Variants in SYN2 observed in about 807,000 individuals in gnomAD.
The protein encoded by SYN2 is synapsin-2.
In SYN2, 19 loss-of-function variants were observed where a neutral mutation model predicts 50.9. The observed-to-expected ratio is 0.37, with a 90% CI of 0.26 to 0.55. SYN2 has a LOEUF of 0.55. Ranked by LOEUF, SYN2 falls within the 20% of genes least tolerant of loss-of-function variation. SYN2 has a pLI of 0.81. For synonymous variants in SYN2, 255 were observed against 224.9 expected (o/e 1.13, Z -1.20); for missense variants, 587 against 576.4 (o/e 1.02, Z -0.19).
intron 1 of SYN2, among the ~76,000 whole-genome samples, chr3:12,098,987 G>C (rs1263441100): frequency 6.6e-6 from 1 of 151,452 alleles, no homozygotes. Flanking sequence ...ATGATATATT[G>C]ATAAAAGATC....
intron 1 of SYN2, among the ~76,000 whole-genome samples, chr3:12,055,975 T>A (rs1694980078): frequency 6.6e-6 from 1 of 152,152 alleles, no homozygotes; most frequent in African/African-American, 2.4e-5. Flanking sequence ...AGCTGCCAAT[T>A]TGTGGGAAAC....
chr3:12,027,505 G>A (rs1471385179), intron 1 of SYN2, among the ~76,000 whole-genome samples: 4 of 152,180 alleles, frequency 2.6e-5, no homozygotes, highest in East Asian at 3.8e-4. Flanking sequence ...TCAGATTGGA[G>A]CACAGTACCT....
intron 10 of SYN2, among the ~76,000 whole-genome samples, chr3:12,179,195 A>T (rs1191487879): frequency 6.6e-6 from 1 of 151,934 alleles, no homozygotes; most frequent in Non-Finnish European, 1.5e-5. Flanking sequence ...GCTTTGATGG[A>T]AGCGGCACAC....
At chr3:12,106,836 A>G (rs913788601) in intron 1 of SYN2, among the ~76,000 whole-genome samples, 1 of 152,222 alleles carries the variant, frequency 6.6e-6, no homozygotes, top group Non-Finnish European at 1.5e-5. Flanking sequence ...TTTTAATAAC[A>G]TGATAGAGAA....
In SYN2 at chr3:12,154,260, A is replaced by G. The variant is rs1697387957; in HGVS notation, c.774+2934A>G. ...TATAGTCTAGTAAGTGAATAAATTCATGCATGAATGAAGGCTCAGAACCCT... is the reference window on the plus strand; with the variant it reads ...TATAGTCTAGTAAGTGAATAAATTCGTGCATGAATGAAGGCTCAGAACCCT... On this transcript the variant is annotated intron_variant, in intron 5 of 12. Coordinates refer to ENST00000621198, the MANE Select transcript of SYN2 (RefSeq NM_133625.6). 2.5e-6 allele frequency: 4 copies of G among 1,604,990 alleles called. No individual in the cohort carries two copies. The South Asian group carries it at 3.3e-5, about 13-fold the overall frequency.
intron 1 of SYN2, among the ~76,000 whole-genome samples, chr3:12,076,230 A>G (rs939291659): frequency 5.9e-5 from 9 of 152,116 alleles, no homozygotes; most frequent in African/African-American, 2.2e-4. Flanking sequence ...GTGTGAGGTA[A>G]TAAGTTCCTG....
At chr3:12,121,145 A>G (rs1696549354) in intron 1 of SYN2, among the ~76,000 whole-genome samples, 1 of 152,110 alleles carries the variant, frequency 6.6e-6, no homozygotes, top group Non-Finnish European at 1.5e-5. Context: ...TAAATTTAGG[A>G]TAGGCTCAGG....
At chr3:12,156,934 T>A in intron 5 of SYN2, 1 of 1,611,782 alleles carries the variant, frequency 6.2e-7, no homozygotes, top group Non-Finnish European at 8.5e-7. Context: ...CCTTTGAACA[T>A]CTGACAGGCA....
chr3:12,185,610 T>C, intron 11 of SYN2: 1 of 985,894 alleles, frequency 1.0e-6, no homozygotes, highest in African/African-American at 1.7e-5. Context: ...CGTTGTCCCC[T>C]TTTTTTGTAC....
chr3:12,133,013 C>T lies in SYN2; in HGVS notation c.378-7638C>T, dbSNP rs112249823. Among the ~76,000 whole-genome samples, 264 of 152,314 alleles carry T rather than the reference C, an allele frequency of 1.7e-3. 1 individual carries two copies. The highest frequency in any genetic ancestry group is 2.8e-3 in the Non-Finnish European group (189 of 68,028). On this transcript the variant is annotated intron_variant, in intron 1 of 12. Transcript: ENST00000621198. ...CCTCTGCCACTTTTCTGCCCACGTC[C>T]ACATCTTCTTTCAGTTTACCCCTAA...
At chr3:12,174,959 A>C (rs556068446) in intron 10 of SYN2, among the ~76,000 whole-genome samples, 3 of 152,314 alleles carry the variant, frequency 2.0e-5, no homozygotes, top group Non-Finnish European at 2.9e-5. Flanking sequence ...GGTTCTCAAG[A>C]GTACAGACTT....
At chr3:12,014,390 T>C (rs900915262) in intron 1 of SYN2, among the ~76,000 whole-genome samples, 3 of 152,248 alleles carry the variant, frequency 2.0e-5, no homozygotes, top group Non-Finnish European at 2.9e-5. Context: ...TCTTCAAATA[T>C]AAGCTTTAGA....
chr3:12,165,050 A>G (rs1697749241), intron 7 of SYN2, among the ~76,000 whole-genome samples: 1 of 145,340 alleles, frequency 6.9e-6, no homozygotes, highest in Non-Finnish European at 1.5e-5. Flanking sequence ...GCAGTGGTGC[A>G]ATCTCAGCTC....
At chr3:12,045,495 C>T (rs937083774) in intron 1 of SYN2, among the ~76,000 whole-genome samples, 6 of 152,086 alleles carry the variant, frequency 3.9e-5, no homozygotes, top group Admixed American at 3.9e-4. Context: ...GATGTTTTTC[C>T]CCCTTTGGAG....
At chr3:12,134,774 AT>A (rs932022906) in intron 1 of SYN2, among the ~76,000 whole-genome samples, 28 of 151,892 alleles carry the variant, frequency 1.8e-4, no homozygotes, top group Non-Finnish European at 3.8e-4. Context: ...GTGTGCTTAA[AT>A]TTTTTTTTAA....
chr3:12,169,703 A>T, intron 9 of SYN2, 54 bp from the exon 10 acceptor site: 1 of 1,596,632 alleles, frequency 6.3e-7, no homozygotes, highest in Non-Finnish European at 8.6e-7. Flanking sequence ...AGATTGTACC[A>T]GGCCATTTAT....
intron 11 of SYN2, chr3:12,185,497 T>G: frequency 1.0e-6 from 1 of 985,874 alleles, no homozygotes; most frequent in Non-Finnish European, 1.2e-6. Context: ...GACTGTTATG[T>G]GCCCTCAGGC....
intron 7 of SYN2, among the ~76,000 whole-genome samples, chr3:12,163,361 C>T (rs1264257208): frequency 1.3e-5 from 2 of 152,054 alleles, no homozygotes; most frequent in East Asian, 3.9e-4. Flanking sequence ...CAAGGTTGAG[C>T]AGCCTTCCCT....
intron 1 of SYN2, among the ~76,000 whole-genome samples, chr3:12,124,823 A>ATATTATACAATAAT (rs1696631701): frequency 3.3e-5 from 5 of 152,224 alleles, no homozygotes; most frequent in Non-Finnish European, 5.9e-5. Flanking sequence ...GTTAATTCAG[A>ATATTATACAATAAT]GTAGTTATCC....
Sources: gnomAD v4.1 joint callset for allele counts (sites outside exome capture counted in the v4.1 genomes callset) on GRCh38, gnomAD v4.1.1 for gene constraint, MANE v1.5 for transcripts, NCBI Gene and HGNC (gene_info 2026-07-23, HGNC 2026-07-21) for gene names.